CPSF6: variants seen among roughly 807,000 people sequenced by gnomAD.
The protein encoded by CPSF6 is cleavage and polyadenylation specificity factor subunit 6.
CPSF6 carries 10 observed loss-of-function variants against 56.7 expected under a neutral mutation model. The ratio of observed to expected loss-of-function variants is 0.18; its 90% CI spans 0.11 to 0.30. CPSF6 has a LOEUF of 0.30. Among genes scored for constraint, CPSF6 ranks in the 10% least tolerant of loss-of-function variants. The pLI, the probability that CPSF6 is intolerant of heterozygous loss-of-function variation, is 1.00. For synonymous variants in CPSF6, 248 were observed against 244.8 expected (o/e 1.01, Z -0.12); for missense variants, 419 against 722.9 (o/e 0.58, Z 4.82).
chr12:69,242,492 C>G (rs962898477), intron 1 of CPSF6, among the ~76,000 whole-genome samples: 2 of 152,194 alleles, frequency 1.3e-5, no homozygotes, highest in Non-Finnish European at 2.9e-5. Context: ...TAGTGAAGCT[C>G]TAATAGAGTG....
intron 1 of CPSF6, among the ~76,000 whole-genome samples, chr12:69,250,797 C>T (rs1872207076): frequency 6.6e-6 from 1 of 152,026 alleles, no homozygotes; most frequent in African/African-American, 2.4e-5. Flanking sequence ...CAGGCGTGTG[C>T]CACCATGCCT....
chr12:69,259,579 T>A, intron 7 of CPSF6, 36 bp downstream of exon 7: 1 of 1,557,798 alleles, frequency 6.4e-7, no homozygotes, highest in Non-Finnish European at 8.7e-7. Flanking sequence ...TTCTTATTTA[T>A]GTTATTAGGA....
Position 69,270,622 on chromosome 12 carries a change from G to A in CPSF6, c.*1114G>A, listed in dbSNP as rs565962837. 3 of 151,782 alleles carry A rather than the reference G, an allele frequency of 2.0e-5. No individual in the cohort carries two copies. The highest frequency in any genetic ancestry group is 4.4e-5 in the Non-Finnish European group (3 of 67,648). 9.4% of individuals were successfully genotyped at this position (151,782 alleles called of 1,614,324 possible). A position where few individuals can be genotyped will look rare whatever the true frequency, so the allele number is the denominator to read the frequency against. On this transcript the variant is annotated 3_prime_UTR_variant, in exon 10 of 10. Coordinates refer to ENST00000435070, the MANE Select transcript of CPSF6 (RefSeq NM_007007.3). Reference sequence around the variant, plus strand: ...GGTTGTATTCCCCAGTATTTGTAATGGGAAATTACAGATAAACCGTGTCTG... The same window carrying A: ...GGTTGTATTCCCCAGTATTTGTAATAGGAAATTACAGATAAACCGTGTCTG...
chr12:69,251,477 G>C lies in CPSF6; in HGVS notation c.270+139G>C, dbSNP rs1829299293. The C allele has an allele frequency of 5.5e-6, 3 of 541,784 alleles. No homozygotes were observed. The South Asian group carries it at 1.0e-4, about 18-fold the overall frequency. 33.6% of individuals were successfully genotyped at this position (541,784 alleles called of 1,614,324 possible). A position where few individuals can be genotyped will look rare whatever the true frequency, so the allele number is the denominator to read the frequency against. ...TGTGTTTGCTTGTCCAATGAGGAGG[G>C]AAATACAAATATCTTTGCAACATCG... On this transcript the variant is annotated intron_variant, in intron 2 of 9. Transcript: ENST00000435070.
rs1872868431 is a variant in CPSF6 at position 69,264,133 on chromosome 12, A to G, written c.*3+1571A>G. ...TCCCATCTTAATGAAAAAATTCTCA[A>G]TATCCATCAGTTGCTTAAACTGGAT... is the stretch of plus-strand genomic sequence containing the variant. On this transcript the variant is annotated intron_variant, in intron 9 of 9. Coordinates refer to ENST00000435070, the MANE Select transcript of CPSF6 (RefSeq NM_007007.3). Among the ~76,000 whole-genome samples the G allele has an allele frequency of 2.0e-5, 3 of 152,094 alleles. No individual in the cohort carries two copies. The South Asian group carries it at 6.2e-4, about 31-fold the overall frequency.
intron 1 of CPSF6, among the ~76,000 whole-genome samples, chr12:69,248,563 C>A (rs935646451): frequency 1.3e-5 from 2 of 152,204 alleles, no homozygotes; most frequent in Admixed American, 1.3e-4. Context: ...CAAAACTTAC[C>A]CTCTTTTTTC....
At position 69,260,090 on chromosome 12, in the gene CPSF6, A is replaced by G. The variant is rs1872681959; in HGVS notation, c.1362A>G (p.Leu454=). 3 of 1,613,186 alleles carry G rather than the reference A, an allele frequency of 1.9e-6. No individual in the cohort carries two copies. Among genetic ancestry groups the G allele is most frequent in the Admixed American group, 1.7e-5 (1 of 59,968 alleles). The change falls in exon 8 of 10, where the codon TTA becomes TTG. Residue 454 remains leucine, a synonymous_variant. Coordinates refer to ENST00000435070, the MANE Select transcript of CPSF6 (RefSeq NM_007007.3). ...AIETLVTAIS[L]IKQSKVSADD... ...AGACACTGGTAACTGCAATTTCTTT[A>G]ATTAAACAATCCAAAGTATCTGCTG...
chr12:69,251,996 T>C (rs1872265083), intron 2 of CPSF6: 4 of 455,774 alleles, frequency 8.8e-6, no homozygotes, highest in Non-Finnish European at 1.8e-5. Flanking sequence ...TAAAAACTTG[T>C]ATATGCAAAA....
At position 69,270,704 on chromosome 12, in the gene CPSF6, A is replaced by G. The variant is rs1207186450; in HGVS notation, c.*1196A>G. On this transcript the variant is annotated 3_prime_UTR_variant, in exon 10 of 10. Coordinates refer to ENST00000435070, the MANE Select transcript of CPSF6 (RefSeq NM_007007.3). The stretch of plus-strand genomic sequence containing the variant: ...CACCGTATTGATTCATGCTATAGTT[A>G]CTTAATCAAAGATTTTTTTCAAACC... 1 of 151,722 alleles carries G rather than the reference A, an allele frequency of 6.6e-6. No individual in the cohort carries two copies. The highest frequency in any genetic ancestry group is 1.5e-5 in the Non-Finnish European group (1 of 67,652). 9.4% of individuals were successfully genotyped at this position (151,722 alleles called of 1,614,324 possible).
intron 1 of CPSF6, among the ~76,000 whole-genome samples, chr12:69,242,658 C>T (rs1444705128): frequency 2.6e-5 from 4 of 152,150 alleles, no homozygotes; most frequent in Admixed American, 6.5e-5. Context: ...TCTTCCAAAC[C>T]TCTCTATTAC....
Position 69,273,141 on chromosome 12 carries a change from G to A in CPSF6, c.*3633G>A, listed in dbSNP as rs370868223. The A allele has an allele frequency of 4.1e-5, 20 of 492,404 alleles. No individual in the cohort carries two copies. The highest frequency in any genetic ancestry group is 8.2e-5 in the Non-Finnish European group (20 of 244,024). 30.5% of individuals were successfully genotyped at this position (492,404 alleles called of 1,614,324 possible). A position where few individuals can be genotyped will look rare whatever the true frequency, so the allele number is the denominator to read the frequency against. Reference sequence around the variant, plus strand: ...GTTGAAATAGAAAATGTATTAAAATGTCTAGGCTTCTGGGAGGAAGTTCTT... The same window carrying A: ...GTTGAAATAGAAAATGTATTAAAATATCTAGGCTTCTGGGAGGAAGTTCTT... On this transcript the variant is annotated 3_prime_UTR_variant, in exon 10 of 10. Coordinates refer to ENST00000435070, the MANE Select transcript of CPSF6 (RefSeq NM_007007.3).
chr12:69,266,877 TAC>T (rs1873014211), intron 9 of CPSF6, among the ~76,000 whole-genome samples: 1 of 152,144 alleles, frequency 6.6e-6, no homozygotes, highest in African/African-American at 2.4e-5. Flanking sequence ...AAGTACTATG[TAC>T]AGAGGTAGAA....
intron 8 of CPSF6, 138 bp from the exon 9 acceptor site, chr12:69,262,235 T>A (rs932739682): frequency 1.9e-6 from 2 of 1,033,756 alleles, no homozygotes; most frequent in Non-Finnish European, 2.6e-6. Flanking sequence ...TAAGTCGTTA[T>A]TGGCAGCTCA....
At chr12:69,257,181 T>C (rs1337020372) in intron 4 of CPSF6, among the ~76,000 whole-genome samples, 1 of 152,198 alleles carries the variant, frequency 6.6e-6, no homozygotes, top group Non-Finnish European at 1.5e-5. Flanking sequence ...TGGATGTGTA[T>C]TATGGTGGGG....
chr12:69,250,090 T>C (rs899623079), intron 1 of CPSF6, among the ~76,000 whole-genome samples: 3 of 152,062 alleles, frequency 2.0e-5, no homozygotes, highest in Non-Finnish European at 2.9e-5. Context: ...TATTTCTCTT[T>C]ACCTTGTTCA....
At chr12:69,251,021 G>A (rs1872217576) in intron 1 of CPSF6, 108 bp from the exon 2 acceptor site, 1 of 1,038,704 alleles carries the variant, frequency 9.6e-7, no homozygotes, top group African/African-American at 1.6e-5. Context: ...TGAAATCCTT[G>A]GCCTTTTTCC....
At chr12:69,260,330 T>A (rs1872691556) in intron 8 of CPSF6, 133 bp downstream of exon 8, 3 of 665,142 alleles carry the variant, frequency 4.5e-6, no homozygotes, top group Non-Finnish European at 7.4e-6. Context: ...TTTTTTTTTT[T>A]AACTCTAAAT....
intron 9 of CPSF6, among the ~76,000 whole-genome samples, chr12:69,268,341 ATTTT>A (rs981089813): frequency 2.7e-5 from 4 of 150,584 alleles, no homozygotes; most frequent in Admixed American, 6.6e-5. Flanking sequence ...TCTGGATTGT[ATTTT>A]TTTTTCTTTT....
In CPSF6 at chr12:69,263,741, C is replaced by A. The variant is rs545826662; in HGVS notation, c.*3+1179C>A. Among the ~76,000 whole-genome samples the A allele has an allele frequency of 5.3e-5, 8 of 152,038 alleles. No homozygotes were observed. The East Asian group carries it at 1.5e-3, about 29-fold the overall frequency. The stretch of plus-strand genomic sequence containing the variant: ...CCAATTTCTTTAACCATAACAGATA[C>A]GCAAATGAAGTCCTTAAATGCCTAG... On this transcript the variant is annotated intron_variant, in intron 9 of 9. Transcript: ENST00000435070.
Sources: allele counts gnomAD v4.1 joint callset (sites outside exome capture counted in the v4.1 genomes callset), GRCh38; gene constraint gnomAD v4.1.1; transcripts MANE v1.5; gene names NCBI Gene and HGNC (gene_info 2026-07-23, HGNC 2026-07-21).